SPIDR: variants seen among roughly 807,000 people sequenced by gnomAD.
SPIDR encodes the protein DNA repair-scaffolding protein.
A neutral mutation model predicts 104.6 loss-of-function variants in SPIDR; 93 were observed. That is an observed-to-expected ratio of 0.89 (90% CI 0.75 to 1.06). The LOEUF is 1.06. Among genes scored for constraint, SPIDR ranks in the 50% least tolerant of loss-of-function variants. The pLI is 0.00. For synonymous variants in SPIDR, 431 were observed against 416.9 expected, an observed-to-expected ratio of 1.03 and a Z score of -0.41; for missense variants, 1,154 against 1,111.2, an observed-to-expected ratio of 1.04 and a Z score of -0.55.
In SPIDR at chr8:47,599,102, G is replaced by C. The variant is rs1564438485; in HGVS notation, c.1450G>C (p.Val484Leu). 1 of 1,612,796 alleles carries C rather than the reference G, an allele frequency of 6.2e-7. No homozygotes were observed. The highest frequency in any genetic ancestry group is 8.5e-7 in the Non-Finnish European group (1 of 1,179,490). The part of the protein sequence containing the change: ...AASWPGAGVR[V>L]VVQRVYSLPS... ...CTCGTGGCCAGGAGCTGGAGTCCGA[G>C]TGGTGGTGCAAAGAGTGTATTCTCT... is the stretch of plus-strand genomic sequence containing the variant. The change falls in exon 10 of 20, where the codon GTG becomes CTG. Residue 484 changes from valine to leucine, a missense_variant. Val to Leu is a conservative substitution (Grantham distance 32, BLOSUM62 1). Transcript: ENST00000297423.
At chr8:47,484,398 G>A (rs183228320) in intron 8 of SPIDR, among the ~76,000 whole-genome samples, 4 of 152,356 alleles carry the variant, frequency 2.6e-5, no homozygotes, top group Non-Finnish European at 4.4e-5. Context: ...CCTAGGGTGG[G>A]CTCAGCTGTC....
chr8:47,308,369 T>C (rs2154252682), intron 5 of SPIDR, among the ~76,000 whole-genome samples: 1 of 121,172 alleles, frequency 8.3e-6, no homozygotes, highest in African/African-American at 4.0e-5. Flanking sequence ...GGCCTGCTGT[T>C]TTTTTTTTTT....
rs1184832744 is a variant in SPIDR at position 47,319,057 on chromosome 8, T to C, written c.525+25027T>C. On this transcript the variant is annotated intron_variant, in intron 5 of 19. Transcript: ENST00000297423. Reference sequence around the variant, plus strand: ...TCAACTAATGAGCAAAATAACCAGCTAACATCATAATGACAGGATCAAATT... The same window carrying C: ...TCAACTAATGAGCAAAATAACCAGCCAACATCATAATGACAGGATCAAATT... Among the ~76,000 whole-genome samples, 9 of 151,822 alleles carry C rather than the reference T, an allele frequency of 5.9e-5. No homozygotes were observed. The East Asian group carries it at 1.4e-3, about 23-fold the overall frequency.
intron 8 of SPIDR, among the ~76,000 whole-genome samples, chr8:47,471,152 A>G (rs1448262550): frequency 6.6e-6 from 1 of 152,210 alleles, no homozygotes; most frequent in African/African-American, 2.4e-5. Flanking sequence ...CACAGGCAAC[A>G]AAGGAAAAAA....
intron 5 of SPIDR, among the ~76,000 whole-genome samples, chr8:47,385,811 T>C (rs1239693103): frequency 6.6e-6 from 1 of 152,186 alleles, no homozygotes; most frequent in African/African-American, 2.4e-5. Context: ...TTGTCCTCTT[T>C]TGTTGTTGTT....
At chr8:47,701,544 G>T (rs979161964) in intron 12 of SPIDR, among the ~76,000 whole-genome samples, 177 bp from the exon 13 acceptor site, 2 of 152,232 alleles carry the variant, frequency 1.3e-5, no homozygotes, top group African/African-American at 2.4e-5. Flanking sequence ...AAGTATGGAA[G>T]TTCTTATAGT....
intron 8 of SPIDR, among the ~76,000 whole-genome samples, chr8:47,509,994 G>T (rs998210451): frequency 1.3e-5 from 2 of 152,052 alleles, no homozygotes; most frequent in Admixed American, 1.3e-4. Flanking sequence ...ACTACAATTT[G>T]TGTCATGTCA....
chr8:47,303,756 A>T (rs1322612668), intron 5 of SPIDR, among the ~76,000 whole-genome samples: 1 of 152,140 alleles, frequency 6.6e-6, no homozygotes, highest in Non-Finnish European at 1.5e-5. Flanking sequence ...AATTCAGTTT[A>T]TTAGTATATT....
chr8:47,735,919 T>C lies in SPIDR; in HGVS notation c.*469T>C, dbSNP rs1166313520. 1 of 241,560 alleles carries C rather than the reference T, an allele frequency of 4.1e-6. No individual in the cohort carries two copies. Among genetic ancestry groups the C allele is most frequent in the Admixed American group, 5.2e-5 (1 of 19,112 alleles). The allele number at this position is 241,560 out of a possible 1,614,324, so 15.0% of individuals were successfully genotyped here. ...ACAATAAATGTCAAACCTAAGCACT[T>C]TGCAGTTCACTACTTTTGGGAAAAT... is the stretch of plus-strand genomic sequence containing the variant. On this transcript the variant is annotated 3_prime_UTR_variant, in exon 20 of 20. Transcript: ENST00000297423.
At chr8:47,382,268 C>T (rs2059406794) in intron 5 of SPIDR, among the ~76,000 whole-genome samples, 1 of 152,094 alleles carries the variant, frequency 6.6e-6, no homozygotes, top group South Asian at 2.1e-4. Context: ...TCAAGGGTAG[C>T]ACTTCAGGTA....
At chr8:47,431,791 A>G (rs1398287367) in intron 7 of SPIDR, among the ~76,000 whole-genome samples, 2 of 152,210 alleles carry the variant, frequency 1.3e-5, no homozygotes, top group Non-Finnish European at 2.9e-5. Flanking sequence ...CAAGAAGTGA[A>G]AGCACAATTG....
intron 10 of SPIDR, among the ~76,000 whole-genome samples, chr8:47,642,172 C>T (rs1258750213): frequency 1.3e-5 from 2 of 152,074 alleles, no homozygotes; most frequent in East Asian, 3.9e-4. Flanking sequence ...ACCTGTAATC[C>T]CAGCACTTTG....
intron 8 of SPIDR, among the ~76,000 whole-genome samples, chr8:47,588,250 A>G (rs1446612844): frequency 2.7e-5 from 4 of 149,390 alleles, no homozygotes; most frequent in African/African-American, 9.8e-5. Flanking sequence ...TTATTTTATC[A>G]GTGTTTTGTA....
chr8:47,375,773 T>G (rs1222882949), intron 5 of SPIDR, among the ~76,000 whole-genome samples: 1 of 152,214 alleles, frequency 6.6e-6, no homozygotes, highest in Non-Finnish European at 1.5e-5. Flanking sequence ...TTGTTCAGTT[T>G]CTTTTAATAC....
At chr8:47,651,009 A>G (rs970034241) in intron 10 of SPIDR, among the ~76,000 whole-genome samples, 1 of 152,186 alleles carries the variant, frequency 6.6e-6, no homozygotes, top group Non-Finnish European at 1.5e-5. Context: ...CTAGAAGATA[A>G]CCCAGGAAAA....
chr8:47,714,735 G>A (rs902127783), intron 16 of SPIDR, among the ~76,000 whole-genome samples: 3 of 152,134 alleles, frequency 2.0e-5, no homozygotes, highest in African/African-American at 7.2e-5. Flanking sequence ...CGTCCAGGTG[G>A]GGGGAGAGGT....
chr8:47,343,249 T>A (rs1371455333), intron 5 of SPIDR, among the ~76,000 whole-genome samples: 1 of 152,220 alleles, frequency 6.6e-6, no homozygotes, highest in Non-Finnish European at 1.5e-5. Flanking sequence ...CCTTTATCTG[T>A]ACCATTTTTG....
At chr8:47,524,315 C>G (rs1022181075) in intron 8 of SPIDR, among the ~76,000 whole-genome samples, 1 of 152,192 alleles carries the variant, frequency 6.6e-6, no homozygotes, top group African/African-American at 2.4e-5. Flanking sequence ...TTCTCCTAAA[C>G]CAGTTTAGGA....
intron 5 of SPIDR, among the ~76,000 whole-genome samples, chr8:47,304,853 A>C (rs1586670402): frequency 6.6e-6 from 1 of 152,272 alleles, no homozygotes. Flanking sequence ...GGATTAGGCC[A>C]TGAGGGCCTT....
Sources: allele counts gnomAD v4.1 joint callset (sites outside exome capture counted in the v4.1 genomes callset), GRCh38; gene constraint gnomAD v4.1.1; transcripts MANE v1.5; gene names NCBI Gene and HGNC (gene_info 2026-07-23, HGNC 2026-07-21).